Variants in SCAF4 observed in about 807,000 individuals in gnomAD.
SCAF4 encodes SR-related CTD associated factor 4.
In SCAF4, 25 loss-of-function variants were observed where a neutral mutation model predicts 129.8. The observed-to-expected ratio is 0.19, with a 90% confidence interval of 0.14 to 0.27. The LOEUF is 0.27. Among genes scored for constraint, SCAF4 ranks in the 10% least tolerant of loss-of-function variants. SCAF4 has a pLI of 1.00. For synonymous variants in SCAF4, 551 were observed against 497.7 expected (o/e 1.11, Z -1.43); for missense variants, 1,246 against 1,457.1 (o/e 0.86, Z 2.36).
At chr21:31,696,325 C>A (rs1252411983) in intron 8 of SCAF4, 104 bp from the exon 9 acceptor site, 2 of 851,956 alleles carry the variant, frequency 2.3e-6, no homozygotes, top group South Asian at 1.7e-5. Flanking sequence ...TAACATTTTA[C>A]TGAACCATAT....
intron 1 of SCAF4, among the ~76,000 whole-genome samples, chr21:31,709,084 G>A (rs1013249263): frequency 2.0e-5 from 3 of 152,118 alleles, no homozygotes; most frequent in African/African-American, 7.2e-5. Flanking sequence ...GAGAAGCTAG[G>A]TAAGAAAGCC....
At chr21:31,709,386 G>A (rs2050746213) in intron 1 of SCAF4, among the ~76,000 whole-genome samples, 1 of 148,292 alleles carries the variant, frequency 6.7e-6, no homozygotes, top group African/African-American at 2.5e-5. Flanking sequence ...AGAAAGAAAT[G>A]AGCAACAGTA....
At chr21:31,705,624 A>G (rs1192551124) in intron 2 of SCAF4, among the ~76,000 whole-genome samples, 157 bp from the exon 3 acceptor site, 1 of 152,014 alleles carries the variant, frequency 6.6e-6, no homozygotes, top group African/African-American at 2.4e-5. Context: ...ATATTAAAAA[A>G]CTCAGAGAAA....
intron 2 of SCAF4, among the ~76,000 whole-genome samples, chr21:31,705,681 C>T (rs971069526): frequency 6.6e-6 from 1 of 151,950 alleles, no homozygotes; most frequent in Non-Finnish European, 1.5e-5. Flanking sequence ...AACAGAAGAT[C>T]CCTTTTCTTA....
intron 1 of SCAF4, among the ~76,000 whole-genome samples, chr21:31,717,874 T>G (rs35240505): frequency 2.7e-5 from 2 of 73,206 alleles, no homozygotes; most frequent in Non-Finnish European, 2.8e-5. Context: ...CACACACATA[T>G]ACACATATAT....
intron 19 of SCAF4, among the ~76,000 whole-genome samples, chr21:31,675,459 G>A (rs531485566): frequency 6.6e-6 from 1 of 152,270 alleles, no homozygotes; most frequent in Admixed American, 6.5e-5. Flanking sequence ...AGAGATGGAG[G>A]ACACACTGAA....
At chr21:31,722,022 A>G (rs1189695851) in intron 1 of SCAF4, among the ~76,000 whole-genome samples, 2 of 152,224 alleles carry the variant, frequency 1.3e-5, no homozygotes, top group Non-Finnish European at 2.9e-5. Flanking sequence ...GCCTGGCCTG[A>G]GCACAGGCAA....
At chr21:31,723,609 G>GTTTGTGTGTGTGT (rs112184778) in intron 1 of SCAF4, among the ~76,000 whole-genome samples, 1 of 146,038 alleles carries the variant, frequency 6.8e-6, no homozygotes, top group African/African-American at 2.5e-5. Context: ...TGATTTATAT[G>GTTTGTGTGTGTGT]ATGTGTGTGT....
At position 31,672,332 on chromosome 21, in the gene SCAF4, A is replaced by G; in HGVS notation, c.2511T>C (p.Gly837=). The change falls in exon 20 of 20, where the codon GGT becomes GGC. Residue 837 remains glycine (G), a synonymous_variant. Transcript: ENST00000286835. ...ATGGTGCCTGAAGTCCAATTACAGG[A>G]CCAGGGGCAACTCCTTGAGTGCCTA... ...SLLGTQGVAP[G]PVIGLQAPST... is the part of the protein sequence containing the mutation. The G allele has an allele frequency of 1.2e-6, 2 of 1,613,534 alleles. No homozygotes were observed. Among genetic ancestry groups the G allele is most frequent in the Middle Eastern group, 1.7e-4 (1 of 5,790 alleles).
rs2050304948 is a variant in SCAF4 at position 31,693,361 on chromosome 21, C to T, written c.1446G>A (p.Arg482=). 1.3e-6 allele frequency: 2 copies of T among 1,557,682 alleles called. No homozygotes were observed. The highest frequency in any genetic ancestry group is 1.4e-5 in the African/African-American group (1 of 73,102). ...GACGTTCTCTCTCTTTTTCTCGATC[C>T]CGTCTTTCTTGAGATCGAGATCGGG... is the stretch of plus-strand genomic sequence containing the variant. ...HSPRSRSQER[R]DREKERERRQ... The change falls in exon 12 of 20, where the codon CGG becomes CGA. Residue 482 remains arginine (R), a synonymous_variant. Coordinates refer to ENST00000286835, the MANE Select transcript of SCAF4 (RefSeq NM_020706.2).
chr21:31,717,938 CACACACACATAT>C (rs1189712239), intron 1 of SCAF4, among the ~76,000 whole-genome samples: 6 of 135,294 alleles, frequency 4.4e-5, no homozygotes, highest in African/African-American at 1.7e-4. Context: ...CACACACACA[CACACACACATAT>C]ATATTTTTTT....
intron 19 of SCAF4, among the ~76,000 whole-genome samples, chr21:31,682,584 G>A (rs765132332): frequency 6.6e-6 from 1 of 152,162 alleles, no homozygotes; most frequent in Non-Finnish European, 1.5e-5. Flanking sequence ...GTGTTTTATA[G>A]ATGTTAGCCC....
At chr21:31,684,638 TCCAGACAGAGAAAAA>T in intron 19 of SCAF4, 1 of 178,036 alleles carries the variant, frequency 5.6e-6, no homozygotes, top group South Asian at 1.2e-4. Context: ...TAATAATTGG[TCCAGACAGAGAAAAA>T]CCTATGCCGT....
rs2050103231 is a variant in SCAF4 at position 31,685,663 on chromosome 21, C to A, written c.2114G>T (p.Gly705Val). ...AGGACCAAAGCCTGGAGGCGGTATT[C>A]CCAGAGGAGGCGTGAAAGCAGGCGG... Reference protein sequence around the residue: ...LQPPAFTPPLGIPPPGFGPGV... With the variant: ...LQPPAFTPPLVIPPPGFGPGV... The change falls in exon 17 of 20, where the codon GGA becomes GTA. Residue 705 changes from glycine (G) to valine (V), a missense_variant. Gly to Val is a moderately radical substitution (Grantham distance 109, BLOSUM62 -3). This residue lies in a region of SCAF4 where 468 missense variants were observed against 605.5 expected (regional missense o/e 0.77). Coordinates refer to ENST00000286835, the MANE Select transcript of SCAF4 (RefSeq NM_020706.2). The A allele has an allele frequency of 2.5e-6, 4 of 1,613,398 alleles. No homozygotes were observed. The highest frequency in any genetic ancestry group is 3.4e-6 in the Non-Finnish European group (4 of 1,179,830).
chr21:31,687,073 C>T (rs560509350), intron 16 of SCAF4, among the ~76,000 whole-genome samples: 1 of 152,322 alleles, frequency 6.6e-6, no homozygotes, highest in Admixed American at 6.5e-5. Context: ...ATTTAAATCA[C>T]AGCCAAGAAT....
chr21:31,686,576 T>C (rs999995672), intron 16 of SCAF4, among the ~76,000 whole-genome samples: 1 of 152,092 alleles, frequency 6.6e-6, no homozygotes, highest in Admixed American at 6.5e-5. Flanking sequence ...GGCACTTAAA[T>C]ACCCAACAAA....
chr21:31,672,154 AG>A lies in SCAF4; in HGVS notation c.2688del (p.Phe897LeufsTer9), dbSNP rs1568817194. 6.2e-7 allele frequency: 1 copy of A among 1,605,282 alleles called. No individual in the cohort carries two copies. ...ATTCCATGAGGTGGAGGCATCGCAA[AG>A]CCCCCTGGTCCTGGCGGTGGGCCTC... ...MHRGPPPGPG[G>X]FAMPPPHGMK... On this transcript the variant is annotated frameshift_variant, in exon 20 of 20. Coordinates refer to ENST00000286835, the MANE Select transcript of SCAF4 (RefSeq NM_020706.2). LOFTEE classifies it high-confidence loss of function.
chr21:31,731,598 G>A lies in SCAF4; in HGVS notation c.30+65C>T, dbSNP rs989210231. 2.6e-6 allele frequency: 4 copies of A among 1,551,226 alleles called. No homozygotes were observed. In the African/African-American group the frequency reaches 5.6e-5, roughly 22 times the overall value. On this transcript the variant is annotated intron_variant, in intron 1 of 19. Coordinates refer to ENST00000286835, the MANE Select transcript of SCAF4 (RefSeq NM_020706.2). ...GGACCAAAGCTTTAAACCTCCGGCGGCGGGAGAAACGAGCCCCGGCTCCCG... is the reference window on the plus strand; with the variant it reads ...GGACCAAAGCTTTAAACCTCCGGCGACGGGAGAAACGAGCCCCGGCTCCCG...
intron 7 of SCAF4, among the ~76,000 whole-genome samples, chr21:31,699,887 G>A (rs562300883): frequency 6.6e-6 from 1 of 152,266 alleles, no homozygotes; most frequent in African/African-American, 2.4e-5. Flanking sequence ...ATCCTTAGTG[G>A]CAGCTTCTTA....
Sources: gnomAD v4.1 joint callset for allele counts (sites outside exome capture counted in the v4.1 genomes callset) on GRCh38, gnomAD v4.1.1 for gene constraint, gnomAD v4.1.1 regional missense constraint, MANE v1.5 for transcripts, NCBI Gene and HGNC (gene_info 2026-07-23, HGNC 2026-07-21) for gene names.